CNNM2: variants seen among roughly 807,000 people sequenced by gnomAD.
The protein encoded by CNNM2 is cyclin and CBS domain divalent metal cation transport mediator 2.
A neutral mutation model predicts 66.9 loss-of-function variants in CNNM2; 12 were observed. The observed-to-expected ratio is 0.18, with a 90% confidence interval of 0.11 to 0.29. CNNM2 has a LOEUF of 0.29. Among genes scored for constraint, CNNM2 ranks in the 10% least tolerant of loss-of-function variants. The pLI is 1.00. For missense variants in CNNM2, 705 were observed against 1,167.7 expected (o/e 0.60, Z 5.77); for synonymous variants, 557 against 501.8 (o/e 1.11, Z -1.47).
At position 103,077,804 on chromosome 10, in the gene CNNM2, T is replaced by C. The variant is rs1407072843; in HGVS notation, c.*624T>C. 6.5e-6 allele frequency: 1 copy of C among 152,862 alleles called. No individual in the cohort carries two copies. The highest frequency in any genetic ancestry group is 1.9e-4 in the East Asian group (1 of 5,196). The allele number at this position is 152,862 out of a possible 1,614,324, so 9.5% of individuals were successfully genotyped here. A position where few individuals can be genotyped will look rare whatever the true frequency, so the allele number is the denominator to read the frequency against. ...CCTCAGAGGGACCTGCAATCACCTCTCTGAGCTCAGTGGTATTTTGAGAAT... is the reference window on the plus strand; with the variant it reads ...CCTCAGAGGGACCTGCAATCACCTCCCTGAGCTCAGTGGTATTTTGAGAAT... On this transcript the variant is annotated 3_prime_UTR_variant, in exon 8 of 8. Coordinates refer to ENST00000369878, the MANE Select transcript of CNNM2 (RefSeq NM_017649.5).
chr10:102,926,457 T>C (rs1845863314), intron 1 of CNNM2, among the ~76,000 whole-genome samples: 1 of 152,180 alleles, frequency 6.6e-6, no homozygotes. Flanking sequence ...TAATTTTAAT[T>C]ATTAGCAAAT....
At chr10:103,035,624 T>A (rs1388615473) in intron 1 of CNNM2, among the ~76,000 whole-genome samples, 1 of 152,216 alleles carries the variant, frequency 6.6e-6, no homozygotes, top group Non-Finnish European at 1.5e-5. Context: ...AGTCACATAA[T>A]GACTGGAATT....
intron 1 of CNNM2, among the ~76,000 whole-genome samples, chr10:103,043,892 A>G (rs2065084578): frequency 6.6e-6 from 1 of 152,220 alleles, no homozygotes; most frequent in East Asian, 1.9e-4. Flanking sequence ...CCTTAGGACC[A>G]GAAAAGGAGG....
intron 1 of CNNM2, among the ~76,000 whole-genome samples, chr10:103,036,295 A>G (rs925122855): frequency 1.3e-5 from 2 of 152,202 alleles, no homozygotes; most frequent in Non-Finnish European, 2.9e-5. Flanking sequence ...GTTGTTTTCT[A>G]TGGGAGAAAT....
intron 1 of CNNM2, among the ~76,000 whole-genome samples, chr10:102,988,128 G>A (rs564914946): frequency 3.9e-5 from 6 of 152,014 alleles, no homozygotes; most frequent in Admixed American, 6.6e-5. Context: ...GTGAAACCCC[G>A]TCTCTATTAA....
chr10:102,977,531 G>A (rs1484594927), intron 1 of CNNM2, among the ~76,000 whole-genome samples: 3 of 152,098 alleles, frequency 2.0e-5, no homozygotes, highest in African/African-American at 4.8e-5. Context: ...TTTAAAAATT[G>A]TGTTATTGGC....
chr10:103,002,531 G>C (rs556534233), intron 1 of CNNM2, among the ~76,000 whole-genome samples: 2 of 150,598 alleles, frequency 1.3e-5, no homozygotes, highest in East Asian at 3.9e-4. Flanking sequence ...CCAGGCTGGA[G>C]TGCAATGGCG....
intron 1 of CNNM2, among the ~76,000 whole-genome samples, chr10:102,965,067 G>T (rs1352909297): frequency 6.6e-6 from 1 of 152,180 alleles, no homozygotes; most frequent in Non-Finnish European, 1.5e-5. Context: ...CAGACACTCA[G>T]CCTGCCCGCG....
intron 1 of CNNM2, among the ~76,000 whole-genome samples, chr10:102,981,957 G>A (rs1221460369): frequency 6.6e-6 from 1 of 151,876 alleles, no homozygotes; most frequent in Non-Finnish European, 1.5e-5. Flanking sequence ...TCTAGCCAAG[G>A]TGTGCTTTTC....
intron 1 of CNNM2, among the ~76,000 whole-genome samples, chr10:103,002,801 T>G (rs1053548887): frequency 6.6e-6 from 1 of 151,992 alleles, no homozygotes; most frequent in African/African-American, 2.4e-5. Context: ...TATACATTGG[T>G]GGAGGTAATG....
intron 2 of CNNM2, among the ~76,000 whole-genome samples, chr10:103,053,466 C>T (rs912676875): frequency 4.6e-5 from 7 of 152,108 alleles, no homozygotes; most frequent in Non-Finnish European, 8.8e-5. Context: ...CAGTGAGCTG[C>T]GATTGTGCTG....
chr10:103,034,784 G>A (rs1252895259), intron 1 of CNNM2, among the ~76,000 whole-genome samples: 4 of 151,962 alleles, frequency 2.6e-5, no homozygotes, highest in Non-Finnish European at 5.9e-5. Flanking sequence ...GGCTAACAAG[G>A]TGAAACCCCG....
At chr10:102,954,913 T>A (rs1018794266) in intron 1 of CNNM2, among the ~76,000 whole-genome samples, 7 of 152,178 alleles carry the variant, frequency 4.6e-5, no homozygotes, top group Admixed American at 3.9e-4. Context: ...TCCATGCTCA[T>A]GGATAGGAAG....
intron 1 of CNNM2, among the ~76,000 whole-genome samples, chr10:102,938,861 C>A (rs1846334247): frequency 6.6e-6 from 1 of 152,008 alleles, no homozygotes; most frequent in African/African-American, 2.4e-5. Context: ...TGACACAGAA[C>A]TTCCAGCCAG....
At chr10:102,960,302 C>T (rs901365109) in intron 1 of CNNM2, among the ~76,000 whole-genome samples, 6 of 152,140 alleles carry the variant, frequency 3.9e-5, no homozygotes, top group African/African-American at 1.4e-4. Context: ...AATGTGCATA[C>T]TGTTGTACAC....
intron 1 of CNNM2, among the ~76,000 whole-genome samples, chr10:102,979,881 T>C (rs2063692559): frequency 6.6e-6 from 1 of 152,134 alleles, no homozygotes; most frequent in African/African-American, 2.4e-5. Flanking sequence ...TCTCCAAAGT[T>C]AACTACTTTG....
intron 1 of CNNM2, among the ~76,000 whole-genome samples, chr10:103,025,681 C>T (rs1485148775): frequency 6.6e-6 from 1 of 152,142 alleles, no homozygotes; most frequent in African/African-American, 2.4e-5. Context: ...CTAAGTTATC[C>T]AAATCTTCTC....
intron 5 of CNNM2, among the ~76,000 whole-genome samples, chr10:103,070,474 G>C (rs1268460980): frequency 6.6e-6 from 1 of 152,244 alleles, no homozygotes; most frequent in East Asian, 1.9e-4. Context: ...GTGCCTGACT[G>C]TGATGAGTTT....
At chr10:102,964,223 G>A (rs745471673) in intron 1 of CNNM2, among the ~76,000 whole-genome samples, 4 of 151,802 alleles carry the variant, frequency 2.6e-5, no homozygotes, top group Non-Finnish European at 4.4e-5. Context: ...GGGCTAATTA[G>A]ATATTCTTTT....
Sources: gnomAD v4.1 joint callset for allele counts (sites outside exome capture counted in the v4.1 genomes callset) on GRCh38, gnomAD v4.1.1 for gene constraint, MANE v1.5 for transcripts, NCBI Gene and HGNC (gene_info 2026-07-23, HGNC 2026-07-21) for gene names.